The following SENP8 variants were observed in gnomAD, a reference collection of about 807,000 sequenced individuals.
SENP8 encodes sentrin-specific protease 8.
Under a neutral mutation model 14.4 loss-of-function variants are expected in SENP8, and 10 were observed. That is an observed-to-expected ratio of 0.69 (90% CI 0.43 to 1.18). The LOEUF is 1.18. Among genes scored for constraint, SENP8 ranks in the 50% most tolerant of loss-of-function variants. The pLI, the probability that SENP8 is intolerant of heterozygous loss-of-function variation, is 0.00. For synonymous variants in SENP8, 94 were observed against 95.5 expected (o/e 0.98, Z 0.09); for missense variants, 202 against 249.4 (o/e 0.81, Z 1.28).
chr15:72,140,762 A>G lies in SENP8; in HGVS notation c.*500A>G, dbSNP rs938456549. 1 of 168,762 alleles carries G rather than the reference A, an allele frequency of 5.9e-6. No individual in the cohort carries two copies. The highest frequency in any genetic ancestry group is 2.4e-5 in the African/African-American group (1 of 41,464). The allele number at this position is 168,762 out of a possible 1,614,324, so 10.5% of individuals were successfully genotyped here. Reference sequence around the variant, plus strand: ...AGATCAAGGCCTAACTTCATTCAAGACCTAAATATTATGAGACTCAGTTAT... The same window carrying G: ...AGATCAAGGCCTAACTTCATTCAAGGCCTAAATATTATGAGACTCAGTTAT... On this transcript the variant is annotated 3_prime_UTR_variant, in exon 2 of 2. Transcript: ENST00000340912.
Position 72,140,558 on chromosome 15 carries a change from A to G in SENP8, c.*296A>G. 3.1e-6 allele frequency: 1 copy of G among 325,368 alleles called. No homozygotes were observed. The highest frequency in any genetic ancestry group is 5.9e-6 in the Non-Finnish European group (1 of 168,162). 20.2% of individuals were successfully genotyped at this position (325,368 alleles called of 1,614,324 possible). A position where few individuals can be genotyped will look rare whatever the true frequency, so the allele number is the denominator to read the frequency against. On this transcript the variant is annotated 3_prime_UTR_variant, in exon 2 of 2. Transcript: ENST00000340912. ...TACGTAAGACTTTTCTTATTGGTAT[A>G]TAATTAATTTCCTTTGGTCTCCCTT...
At chr15:72,116,249 T>C (rs2080972509), upstream of SENP8, among the ~76,000 whole-genome samples, 2 of 152,164 alleles carry the variant, frequency 1.3e-5, no homozygotes, top group South Asian at 4.1e-4. Flanking sequence ...TTATTATCTA[T>C]AATTTTAATG....
At chr15:72,125,201 G>A (rs1308361077) in intron 1 of SENP8, among the ~76,000 whole-genome samples, 1 of 151,972 alleles carries the variant, frequency 6.6e-6, no homozygotes, top group Non-Finnish European at 1.5e-5. Context: ...CCAATATAAT[G>A]GCAAATTACC....
At chr15:72,120,508 T>A (rs2081157465) in intron 1 of SENP8, among the ~76,000 whole-genome samples, 1 of 152,202 alleles carries the variant, frequency 6.6e-6, no homozygotes, top group African/African-American at 2.4e-5. Context: ...TAGATTATAT[T>A]ACTAGAAGTA....
At chr15:72,118,059 TC>T (rs2081070077), upstream of SENP8, 1 of 395,576 alleles carries the variant, frequency 2.5e-6, no homozygotes, top group South Asian at 1.3e-4. Context: ...CGCCGCCGCG[TC>T]CCTTATCCGC....
At chr15:72,138,707 A>C (rs1171801449) in intron 1 of SENP8, among the ~76,000 whole-genome samples, 1 of 151,278 alleles carries the variant, frequency 6.6e-6, no homozygotes, top group African/African-American at 2.4e-5. Flanking sequence ...TCACGCCTGT[A>C]ATTCCAGCAC....
chr15:72,127,833 G>A (rs2081234517), intron 1 of SENP8, among the ~76,000 whole-genome samples: 1 of 152,114 alleles, frequency 6.6e-6, no homozygotes, highest in Admixed American at 6.6e-5. Context: ...TTAGGCTATA[G>A]AATCAACAGG....
chr15:72,129,691 T>A (rs1013472332), intron 1 of SENP8, among the ~76,000 whole-genome samples: 2 of 150,256 alleles, frequency 1.3e-5, no homozygotes, highest in East Asian at 2.0e-4. Flanking sequence ...TTTTTTTTTT[T>A]AATTAGCCAG....
chr15:72,117,657 CTGGGCGCT>C (rs1159962686), upstream of SENP8: 4 of 396,016 alleles, frequency 1.0e-5, no homozygotes, highest in Non-Finnish European at 4.4e-6. Flanking sequence ...TGCAGGGCCG[CTGGGCGCT>C]TGGGCGGGTC....
rs781148488 is a variant in SENP8, at chr15:72,139,662, G to A, written c.39G>A (p.Leu13=). The A allele has an allele frequency of 1.2e-6, 2 of 1,614,070 alleles. No individual in the cohort carries two copies. The highest frequency in any genetic ancestry group is 2.7e-5 in the African/African-American group (2 of 74,924). The change falls in exon 2 of 2, where the codon CTG becomes CTA. Residue 13 remains leucine, a synonymous_variant. Coordinates refer to ENST00000340912, the MANE Select transcript of SENP8 (RefSeq NM_145204.4). ...TCTTGAGTTACATGGACAGTCTACT[G>A]CGGCAATCAGATGTCTCACTATTGG... ...PVVLSYMDSL[L]RQSDVSLLDP...
chr15:72,117,180 G>C (rs2081016275), upstream of SENP8: 2 of 152,390 alleles, frequency 1.3e-5, no homozygotes, highest in South Asian at 4.1e-4. Context: ...AGAACACCAT[G>C]ACAGCGGCTA....
At chr15:72,136,059 T>A (rs2081325015) in intron 1 of SENP8, among the ~76,000 whole-genome samples, 1 of 152,348 alleles carries the variant, frequency 6.6e-6, no homozygotes, top group Admixed American at 6.5e-5. Flanking sequence ...ACAAGCTGAT[T>A]ACCTAAACTC....
chr15:72,119,590 T>A (rs1466975647), intron 1 of SENP8, among the ~76,000 whole-genome samples: 1 of 151,980 alleles, frequency 6.6e-6, no homozygotes, highest in East Asian at 1.9e-4. Context: ...CTACTAAATA[T>A]ACAAAAAATT....
chr15:72,126,110 A>AT (rs1028912110), intron 1 of SENP8, among the ~76,000 whole-genome samples: 1 of 151,734 alleles, frequency 6.6e-6, no homozygotes, highest in Non-Finnish European at 1.5e-5. Context: ...GGTGTGAGCT[A>AT]TTTTTTTTAA....
chr15:72,118,079 C>G (rs926054280), upstream of SENP8: 11 of 393,974 alleles, frequency 2.8e-5, no homozygotes, highest in Non-Finnish European at 4.5e-5. Context: ...GCTTCGGTCG[C>G]GCGCCCCCGA....
In SENP8 at chr15:72,139,695, A is replaced by G. The variant is rs772692419; in HGVS notation, c.72A>G (p.Pro24=). The G allele has an allele frequency of 1.2e-6, 2 of 1,614,248 alleles. No individual in the cohort carries two copies. Among genetic ancestry groups the G allele is most frequent in the East Asian group, 4.5e-5 (2 of 44,886 alleles). Residue 24 remains proline, a synonymous_variant, in exon 2 of 2, where the codon CCA becomes CCG. Transcript: ENST00000340912. ...CAGATGTCTCACTATTGGATCCGCC[A>G]AGCTGGCTCAATGACCATATTATTG... is the stretch of plus-strand genomic sequence containing the variant. ...RQSDVSLLDP[P]SWLNDHIIGF...
rs1382379340 is a variant in SENP8 at position 72,140,035 on chromosome 15, G to A, written c.412G>A (p.Ala138Thr). Residue 138 changes from alanine (A) to threonine (T), a missense_variant, in exon 2 of 2, where the codon GCT becomes ACT. By Grantham distance (58) the Ala-to-Thr change is moderately conservative (BLOSUM62 0). Coordinates refer to ENST00000340912, the MANE Select transcript of SENP8 (RefSeq NM_145204.4). ...AAAGCAGGTAGCAGAGAAACTGGAG[G>A]CTTTCTTAGGCAGAAAAGGAGACAA... ...HAKQVAEKLE[A>T]FLGRKGDKLA... The A allele has an allele frequency of 6.2e-7, 1 of 1,614,160 alleles. No homozygotes were observed.
intron 1 of SENP8, among the ~76,000 whole-genome samples, chr15:72,133,030 G>A (rs1051753426): frequency 1.3e-5 from 2 of 152,134 alleles, no homozygotes; most frequent in Non-Finnish European, 2.9e-5. Flanking sequence ...AATTAGCCAG[G>A]CATGGTGCCA....
At chr15:72,118,132 G>A, upstream of SENP8, 1 of 379,888 alleles carries the variant, frequency 2.6e-6, no homozygotes, top group Non-Finnish European at 4.7e-6. Context: ...CCCGGCTGCA[G>A]GCGAGCAGGC....
Sources: allele counts gnomAD v4.1 joint callset (sites outside exome capture counted in the v4.1 genomes callset), GRCh38; gene constraint gnomAD v4.1.1; transcripts MANE v1.5; gene names NCBI Gene and HGNC (gene_info 2026-07-23, HGNC 2026-07-21).